Variants in NOL4L observed in about 807,000 individuals in gnomAD.
NOL4L encodes nucleolar protein 4 like, also known as nucleolar protein 4-like.
A neutral mutation model predicts 64.5 loss-of-function variants in NOL4L; 7 were observed. The observed-to-expected ratio is 0.11, with a 90% CI of 0.06 to 0.20. NOL4L has a LOEUF of 0.20. Ranked by LOEUF, NOL4L falls within the 10% of genes least tolerant of loss-of-function variation. The probability of loss-of-function intolerance (pLI) is 1.00; values close to 1 mark genes in which losing one functional copy is unlikely to be tolerated. For synonymous variants in NOL4L, 413 were observed against 401.0 expected, an observed-to-expected ratio of 1.03 and a Z score of -0.36; for missense variants, 680 against 967.1, an observed-to-expected ratio of 0.70 and a Z score of 3.94.
intron 4 of NOL4L, among the ~76,000 whole-genome samples, chr20:32,508,724 G>T (rs1420610387): frequency 6.6e-6 from 1 of 152,190 alleles, no homozygotes; most frequent in Non-Finnish European, 1.5e-5. Flanking sequence ...TGGACTCCCA[G>T]AACACCCTGG....
At chr20:32,524,954 C>T (rs2018077233) in intron 2 of NOL4L, among the ~76,000 whole-genome samples, 1 of 152,218 alleles carries the variant, frequency 6.6e-6, no homozygotes, top group South Asian at 2.1e-4. Flanking sequence ...GGCCTCACAC[C>T]CACGGCAGGA....
chr20:32,499,671 G>A (rs1010938851), intron 4 of NOL4L, among the ~76,000 whole-genome samples: 3 of 146,556 alleles, frequency 2.0e-5, no homozygotes, highest in Non-Finnish European at 3.0e-5. Flanking sequence ...CCTGGGCAGC[G>A]GAGGTTGTAG....
chr20:32,545,021 G>A (rs2018713176), intron 1 of NOL4L, among the ~76,000 whole-genome samples: 1 of 152,172 alleles, frequency 6.6e-6, no homozygotes, highest in African/African-American at 2.4e-5. Context: ...CACACCACAG[G>A]TCCTAAGCAG....
chr20:32,583,394 C>A (rs1157102734), intron 1 of NOL4L, among the ~76,000 whole-genome samples: 6 of 149,904 alleles, frequency 4.0e-5, no homozygotes, highest in Non-Finnish European at 8.9e-5. Flanking sequence ...GTGAAGAGCC[C>A]GCTCCGGCCG....
intron 4 of NOL4L, among the ~76,000 whole-genome samples, chr20:32,491,649 C>T (rs1167645662): frequency 2.0e-5 from 3 of 152,186 alleles, no homozygotes; most frequent in Non-Finnish European, 4.4e-5. Context: ...AGCGGGCCAT[C>T]CTGGACACGG....
At chr20:32,488,780 TTCC>T (rs1568647607) in intron 4 of NOL4L, among the ~76,000 whole-genome samples, 19 of 48,358 alleles carry the variant, frequency 3.9e-4, no homozygotes, top group African/African-American at 2.9e-3. Context: ...CCTTCCTTCC[TTCC>T]TTCCTTCCTT....
At chr20:32,459,230 T>C (rs1238073683) in intron 5 of NOL4L, among the ~76,000 whole-genome samples, 2 of 151,018 alleles carry the variant, frequency 1.3e-5, no homozygotes, top group Non-Finnish European at 1.5e-5. Flanking sequence ...TATTGGCGAC[T>C]CAGTTACATG....
At chr20:32,560,881 C>T (rs867774981) in intron 1 of NOL4L, among the ~76,000 whole-genome samples, 3 of 152,272 alleles carry the variant, frequency 2.0e-5, no homozygotes, top group South Asian at 2.1e-4. Flanking sequence ...TAGCCAGCAT[C>T]GGCCACAAGA....
At chr20:32,556,278 G>A (rs559946790) in intron 1 of NOL4L, among the ~76,000 whole-genome samples, 3 of 152,024 alleles carry the variant, frequency 2.0e-5, no homozygotes, top group Non-Finnish European at 2.9e-5. Flanking sequence ...CCTTTGTGGG[G>A]GGGGGGGGTT....
chr20:32,482,163 G>A (rs1031850042), intron 4 of NOL4L, among the ~76,000 whole-genome samples: 1 of 152,062 alleles, frequency 6.6e-6, no homozygotes, highest in Admixed American at 6.5e-5. Context: ...TGTTTTAGAG[G>A]GGGAAAAAAG....
At chr20:32,449,541 G>T (rs2012659379) in intron 10 of NOL4L, among the ~76,000 whole-genome samples, 1 of 152,234 alleles carries the variant, frequency 6.6e-6, no homozygotes, top group South Asian at 2.1e-4. Flanking sequence ...GCCAGAGAAT[G>T]TGGACACCAA....
chr20:32,462,363 C>A (rs530279926), intron 5 of NOL4L, among the ~76,000 whole-genome samples: 2 of 152,182 alleles, frequency 1.3e-5, no homozygotes, highest in Non-Finnish European at 2.9e-5. Context: ...GGGCTGGGAT[C>A]GCTCTGCATG....
chr20:32,513,927 A>G (rs2017528216), intron 3 of NOL4L, among the ~76,000 whole-genome samples: 2 of 152,202 alleles, frequency 1.3e-5, no homozygotes. Context: ...TTAAAAAGGA[A>G]AAAAAGTCTG....
In NOL4L at chr20:32,584,231, C is replaced by A. The variant is rs1035080729; in HGVS notation, c.321+339G>T. Among the ~76,000 whole-genome samples the A allele has an allele frequency of 1.1e-4, 16 of 150,366 alleles. No individual in the cohort carries two copies. The South Asian group carries it at 2.1e-3, about 20-fold the overall frequency. On this transcript the variant is annotated intron_variant, in intron 1 of 10. Coordinates refer to ENST00000621426, the MANE Select transcript of NOL4L (RefSeq NM_001256798.2). ...CCGGGACAGGCAGCCCCGGGGCGGGCGGGGGGAGGCTCGGGCTCCAGAGCA... is the reference window on the plus strand; with the variant it reads ...CCGGGACAGGCAGCCCCGGGGCGGGAGGGGGGAGGCTCGGGCTCCAGAGCA...
chr20:32,485,474 T>TA (rs2016050795), intron 4 of NOL4L: 1 of 258,080 alleles, frequency 3.9e-6, no homozygotes, highest in Non-Finnish European at 7.8e-6. Context: ...CTTCCGCACA[T>TA]GCTCAAGACT....
chr20:32,559,984 C>T (rs556700164), intron 1 of NOL4L, among the ~76,000 whole-genome samples: 10 of 152,338 alleles, frequency 6.6e-5, no homozygotes, highest in East Asian at 1.9e-4. Flanking sequence ...ACAAAGGCGG[C>T]GGTGTGCCCG....
chr20:32,500,352 A>ATTT (rs778704594), intron 4 of NOL4L, among the ~76,000 whole-genome samples: 1 of 132,398 alleles, frequency 7.6e-6, no homozygotes, highest in Non-Finnish European at 1.6e-5. Context: ...GCCCAGCCAG[A>ATTT]TTTTTTTTTT....
chr20:32,525,393 T>G (rs1600830472), intron 2 of NOL4L, among the ~76,000 whole-genome samples: 1 of 152,190 alleles, frequency 6.6e-6, no homozygotes, highest in Non-Finnish European at 1.5e-5. Flanking sequence ...TGTGTGGTGG[T>G]CAGGGCACAG....
At chr20:32,449,070 C>A (rs6141723) in intron 10 of NOL4L, among the ~76,000 whole-genome samples, 50,966 of 152,100 alleles carry the variant, frequency 0.34, 9,847 homozygotes, top group East Asian at 0.73. Flanking sequence ...AATGGGCTCC[C>A]AGGAGACCTG....
Sources: allele counts gnomAD v4.1 joint callset (sites outside exome capture counted in the v4.1 genomes callset), GRCh38; gene constraint gnomAD v4.1.1; transcripts MANE v1.5; gene names NCBI Gene and HGNC (gene_info 2026-07-23, HGNC 2026-07-21).